The following MYEF2 variants were observed in gnomAD, a reference collection of about 807,000 sequenced individuals.
MYEF2 encodes the protein myelin expression factor 2, also known as myelin gene expression factor 2.
A neutral mutation model predicts 75.2 loss-of-function variants in MYEF2; 37 were observed. The ratio of observed to expected loss-of-function variants is 0.49; its 90% CI spans 0.38 to 0.65. The LOEUF is 0.65. Among genes scored for constraint, MYEF2 ranks in the 30% least tolerant of loss-of-function variants. MYEF2 has a pLI of 0.00. For missense variants in MYEF2, 634 were observed against 771.4 expected (o/e 0.82, Z 2.11); for synonymous variants, 195 against 241.6 (o/e 0.81, Z 1.79).
chr15:48,151,673 A>G, intron 12 of MYEF2, 102 bp from the exon 13 acceptor site: 2 of 1,260,802 alleles, frequency 1.6e-6, no homozygotes, highest in Non-Finnish European at 2.3e-6. Flanking sequence ...TAAGTCACAA[A>G]TATAAAATAG....
rs1597262426 is a variant in MYEF2 at position 48,136,590 on chromosome 15, G to A, written c.*6318C>T. The A allele has an allele frequency of 8.3e-7, 1 of 1,208,008 alleles. No homozygotes were observed. The highest frequency in any genetic ancestry group is 1.2e-6 in the Non-Finnish European group (1 of 868,508). The allele number at this position is 1,208,008 out of a possible 1,614,324, so 74.8% of individuals were successfully genotyped here. On this transcript the variant is annotated 3_prime_UTR_variant, in exon 17 of 17. Coordinates refer to ENST00000324324, the MANE Select transcript of MYEF2 (RefSeq NM_016132.5). ...GTTTGATTGTTCTATGGCTACTTTTGTTAGAAAATCATTCAATAGATACTG... is the reference window on the plus strand; with the variant it reads ...GTTTGATTGTTCTATGGCTACTTTTATTAGAAAATCATTCAATAGATACTG...
At chr15:48,156,593 T>C (rs1304864892) in intron 9 of MYEF2, among the ~76,000 whole-genome samples, 3 of 151,532 alleles carry the variant, frequency 2.0e-5, no homozygotes, top group Non-Finnish European at 4.4e-5. Context: ...TACACATAAT[T>C]TCTAGCAAAT....
intron 2 of MYEF2, 139 bp from the exon 3 acceptor site, chr15:48,167,540 T>A: frequency 1.6e-6 from 1 of 618,298 alleles, no homozygotes; most frequent in Non-Finnish European, 2.8e-6. Context: ...CCAACATACC[T>A]CCTATCAATG....
Position 48,158,268 on chromosome 15 carries a change from T to G in MYEF2, c.872-44A>C, listed in dbSNP as rs201570589. 1.8e-5 allele frequency: 29 copies of G among 1,571,760 alleles called. No homozygotes were observed. The East Asian group carries it at 3.2e-4, about 17-fold the overall frequency. On this transcript the variant is annotated intron_variant, in intron 7 of 16. Transcript: ENST00000324324. Reference sequence around the variant, plus strand: ...AAAGTCAGTTAAGATAACTATAAAATTATAACAGAACACAAACTAATTTTT... The same window carrying G: ...AAAGTCAGTTAAGATAACTATAAAAGTATAACAGAACACAAACTAATTTTT...
intron 9 of MYEF2, among the ~76,000 whole-genome samples, chr15:48,154,906 G>C (rs1203879363): frequency 6.6e-6 from 1 of 152,034 alleles, no homozygotes; most frequent in East Asian, 1.9e-4. Flanking sequence ...GTATAATTCA[G>C]TAGGAAAGTG....
chr15:48,135,682 A>G lies in MYEF2; in HGVS notation c.*7226T>C, dbSNP rs1007676813. The stretch of plus-strand genomic sequence containing the variant: ...CAGCTACACAGGTTATATACATTGC[A>G]TAACTCCAGAGGACACCAGAAAAAT... On this transcript the variant is annotated 3_prime_UTR_variant, in exon 17 of 17. Transcript: ENST00000324324. The G allele has an allele frequency of 9.2e-5, 14 of 151,400 alleles. No homozygotes were observed. In the East Asian group the frequency reaches 2.4e-3, roughly 26 times the overall value. The allele number at this position is 151,400 out of a possible 1,614,324, so 9.4% of individuals were successfully genotyped here.
intron 1 of MYEF2, among the ~76,000 whole-genome samples, chr15:48,176,117 T>C (rs1476382428): frequency 6.6e-6 from 1 of 152,034 alleles, no homozygotes; most frequent in Non-Finnish European, 1.5e-5. Context: ...TTATGGTAAT[T>C]TTTATAATCA....
chr15:48,138,705 T>A lies in MYEF2; in HGVS notation c.*4203A>T. 2.7e-6 allele frequency: 1 copy of A among 374,662 alleles called. No homozygotes were observed. The highest frequency in any genetic ancestry group is 4.9e-6 in the Non-Finnish European group (1 of 203,446). The allele number at this position is 374,662 out of a possible 1,614,324, so 23.2% of individuals were successfully genotyped here. A position where few individuals can be genotyped will look rare whatever the true frequency, so the allele number is the denominator to read the frequency against. ...CACTTCATAAACACTATCTACAATA[T>A]ATTTAACGAATGGCCCAAGACATTT... is the stretch of plus-strand genomic sequence containing the variant. On this transcript the variant is annotated 3_prime_UTR_variant, in exon 17 of 17. Transcript: ENST00000324324.
At chr15:48,163,940 C>T (rs992827524) in intron 5 of MYEF2, among the ~76,000 whole-genome samples, 4 of 152,166 alleles carry the variant, frequency 2.6e-5, no homozygotes, top group Non-Finnish European at 5.9e-5. Flanking sequence ...TGACAATGCA[C>T]TTGTCACCCA....
In MYEF2 at chr15:48,178,138, G is replaced by T; in HGVS notation, c.100C>A (p.His34Asn). The T allele has an allele frequency of 5.7e-6, 9 of 1,581,060 alleles. No individual in the cohort carries two copies. The highest frequency in any genetic ancestry group is 7.7e-6 in the Non-Finnish European group (9 of 1,164,480). ...TGCTGCTTCTCCGCCTCCGCGGGGT[G>T]CGGCTCTCGCCGCGGCTCGCCCGGC... Reference protein sequence around the residue: ...EPPGEPRREPHPAEAEKQQPQ... With the variant: ...EPPGEPRREPNPAEAEKQQPQ... Residue 34 changes from histidine (H) to asparagine (N), a missense_variant, in exon 1 of 17, where the codon CAC (histidine) becomes AAC (asparagine). Coordinates refer to ENST00000324324, the MANE Select transcript of MYEF2 (RefSeq NM_016132.5).
intron 2 of MYEF2, among the ~76,000 whole-genome samples, chr15:48,168,404 T>C (rs1485876443): frequency 1.3e-5 from 2 of 152,180 alleles, no homozygotes; most frequent in African/African-American, 4.8e-5. Flanking sequence ...GGCATGCATA[T>C]GCTGGCTCGC....
chr15:48,152,183 T>A, intron 11 of MYEF2, 51 bp downstream of exon 11: 1 of 1,482,976 alleles, frequency 6.7e-7, no homozygotes, highest in East Asian at 2.3e-5. Context: ...AGTTTCTAGT[T>A]TATTAAAAAT....
chr15:48,157,620 A>AT, intron 9 of MYEF2: 2 of 385,530 alleles, frequency 5.2e-6, no homozygotes, highest in Non-Finnish European at 7.2e-6. Flanking sequence ...ATTCAAAATT[A>AT]TTTTTGTTCC....
Position 48,178,283 on chromosome 15 carries a change from C to T in MYEF2, c.-46G>A, listed in dbSNP as rs1382024274. 18 of 1,358,556 alleles carry T rather than the reference C, an allele frequency of 1.3e-5. No homozygotes were observed. The highest frequency in any genetic ancestry group is 1.7e-5 in the Non-Finnish European group (18 of 1,059,640). 84.2% of individuals were successfully genotyped at this position (1,358,556 alleles called of 1,614,324 possible). On this transcript the variant is annotated 5_prime_UTR_variant, in exon 1 of 17. Coordinates refer to ENST00000324324, the MANE Select transcript of MYEF2 (RefSeq NM_016132.5). ...CTCGGCCGCCTGAGCTGAGGGGCTCCGAGCGCGACAATGGCGGCTGCCGGG... is the reference window on the plus strand; with the variant it reads ...CTCGGCCGCCTGAGCTGAGGGGCTCTGAGCGCGACAATGGCGGCTGCCGGG...
At chr15:48,174,051 A>G (rs895008209) in intron 1 of MYEF2, among the ~76,000 whole-genome samples, 17 of 152,134 alleles carry the variant, frequency 1.1e-4, no homozygotes, top group African/African-American at 4.1e-4. Context: ...TTAAACAAGA[A>G]GAAAAAACTA....
chr15:48,167,942 T>TA (rs373106318), intron 2 of MYEF2, among the ~76,000 whole-genome samples: 48 of 149,344 alleles, frequency 3.2e-4, no homozygotes, highest in South Asian at 6.4e-4. Context: ...CAATGCAATT[T>TA]AAAAAAAAAA....
intron 1 of MYEF2, among the ~76,000 whole-genome samples, chr15:48,172,112 C>A (rs1312774732): frequency 1.3e-5 from 2 of 152,084 alleles, no homozygotes; most frequent in Non-Finnish European, 2.9e-5. Context: ...AGAAAAACGA[C>A]CTCCAGGCCA....
Position 48,141,168 on chromosome 15 carries a change from A to C in MYEF2, c.*1740T>G. The C allele has an allele frequency of 6.2e-7, 1 of 1,614,012 alleles. No homozygotes were observed. On this transcript the variant is annotated 3_prime_UTR_variant, in exon 17 of 17. Transcript: ENST00000324324. ...TGGGCCTTACTTTATTAGCAGCAGG[A>C]ACAAGCATACCAGACACAATTGCAA...
chr15:48,136,626 A>T lies in MYEF2; in HGVS notation c.*6282T>A. 1 of 1,482,220 alleles carries T rather than the reference A, an allele frequency of 6.7e-7. No individual in the cohort carries two copies. Among genetic ancestry groups the T allele is most frequent in the South Asian group, 1.3e-5 (1 of 75,116 alleles). 91.8% of individuals were successfully genotyped at this position (1,482,220 alleles called of 1,614,324 possible). On this transcript the variant is annotated 3_prime_UTR_variant, in exon 17 of 17. Transcript: ENST00000324324. The stretch of plus-strand genomic sequence containing the variant: ...ATTCAATAGATACTGCCCAAAAGCT[A>T]TCAACTCTAAAATGACTTTCACTTT...
Sources: allele counts gnomAD v4.1 joint callset (sites outside exome capture counted in the v4.1 genomes callset), GRCh38; gene constraint gnomAD v4.1.1; transcripts MANE v1.5; gene names NCBI Gene and HGNC (gene_info 2026-07-23, HGNC 2026-07-21).